The following TNFRSF11B variants were observed in gnomAD, a reference collection of about 807,000 sequenced individuals.
TNFRSF11B encodes the protein tumor necrosis factor receptor superfamily member 11B.
TNFRSF11B carries 16 observed loss-of-function variants against 43.4 expected under a neutral mutation model. That is an observed-to-expected ratio of 0.37 (90% CI 0.25 to 0.56). TNFRSF11B has a LOEUF of 0.56. Among genes scored for constraint, TNFRSF11B ranks in the 20% least tolerant of loss-of-function variants. The pLI is 0.80. For missense variants in TNFRSF11B, 444 were observed against 490.1 expected (o/e 0.91, Z 0.89); for synonymous variants, 185 against 181.8 (o/e 1.02, Z -0.14).
intron 1 of TNFRSF11B, among the ~76,000 whole-genome samples, chr8:118,947,406 G>C (rs1322607497): frequency 6.6e-6 from 1 of 152,142 alleles, no homozygotes; most frequent in African/African-American, 2.4e-5. Context: ...AAATGAACAA[G>C]ATGAAAATCT....
At chr8:118,940,941 T>A (rs1021033307) in intron 1 of TNFRSF11B, among the ~76,000 whole-genome samples, 1 of 152,330 alleles carries the variant, frequency 6.6e-6, no homozygotes, top group East Asian at 1.9e-4. Flanking sequence ...ACATGGCAAG[T>A]ATTCAATATA....
intron 3 of TNFRSF11B, among the ~76,000 whole-genome samples, chr8:118,927,394 T>C (rs1473994238): frequency 6.6e-6 from 1 of 152,172 alleles, no homozygotes; most frequent in African/African-American, 2.4e-5. Context: ...CCTATATTCA[T>C]CTGAAGCAAC....
At chr8:118,946,194 C>A (rs2129922719) in intron 1 of TNFRSF11B, among the ~76,000 whole-genome samples, 1 of 152,194 alleles carries the variant, frequency 6.6e-6, no homozygotes, top group East Asian at 1.9e-4. Flanking sequence ...AAAAACTACT[C>A]AAGCACCTCG....
chr8:118,934,876 G>C (rs1812380616), intron 1 of TNFRSF11B, among the ~76,000 whole-genome samples: 1 of 152,180 alleles, frequency 6.6e-6, no homozygotes, highest in African/African-American at 2.4e-5. Flanking sequence ...GGGTGGCAAA[G>C]ATAAAGAATG....
chr8:118,951,751 C>T (rs1000671713), intron 1 of TNFRSF11B, 41 bp downstream of exon 1: 1 of 1,565,832 alleles, frequency 6.4e-7, no homozygotes. Context: ...GCAGCAGCCT[C>T]CCCAGGCGCC....
chr8:118,924,874 AATG>A, intron 4 of TNFRSF11B, 112 bp from the exon 5 acceptor site: 1 of 1,328,184 alleles, frequency 7.5e-7, no homozygotes, highest in Non-Finnish European at 1.1e-6. Flanking sequence ...ATTATATTTC[AATG>A]ATAACCTTTT....
intron 3 of TNFRSF11B, 77 bp from the exon 4 acceptor site, chr8:118,926,795 CAA>C (rs1343928688): frequency 1.5e-6 from 2 of 1,301,202 alleles, no homozygotes; most frequent in East Asian, 5.0e-5. Flanking sequence ...CAAACAAAAA[CAA>C]AAAACCAACA....
rs986205746 is a variant in TNFRSF11B at position 118,932,866 on chromosome 8, C to G, written c.400+65G>C. Reference sequence around the variant, plus strand: ...ATGTCATCAGAACAAAAGTGTTCTCCTAAACTGTCACAACTATCTGACTTT... The same window carrying G: ...ATGTCATCAGAACAAAAGTGTTCTCGTAAACTGTCACAACTATCTGACTTT... On this transcript the variant is annotated intron_variant, in intron 2 of 4. Coordinates refer to ENST00000297350, the MANE Select transcript of TNFRSF11B (RefSeq NM_002546.4). 13 of 1,607,062 alleles carry G rather than the reference C, an allele frequency of 8.1e-6. No individual in the cohort carries two copies. The South Asian group carries it at 1.2e-4, about 15-fold the overall frequency.
intron 1 of TNFRSF11B, 52 bp downstream of exon 1, chr8:118,951,740 G>A (rs903666689): frequency 1.3e-6 from 2 of 1,539,286 alleles, no homozygotes; most frequent in Admixed American, 3.8e-5. Context: ...GAGACCAGGT[G>A]GCAGCAGCCT....
chr8:118,928,465 T>G (rs1228035134), intron 3 of TNFRSF11B, among the ~76,000 whole-genome samples: 1 of 152,238 alleles, frequency 6.6e-6, no homozygotes, highest in East Asian at 1.9e-4. Context: ...GTGGCAAACT[T>G]GACACTGCCC....
rs762213334 is a variant in TNFRSF11B at position 118,951,794 on chromosome 8, C to G, written c.28G>C (p.Val10Leu). 6.3e-7 allele frequency: 1 copy of G among 1,592,244 alleles called. No homozygotes were observed. The highest frequency in any genetic ancestry group is 8.5e-7 in the Non-Finnish European group (1 of 1,169,598). Residue 10 changes from valine (V) to leucine (L), a missense_variant and splice_region_variant, in exon 1 of 5, where the codon GTG (valine) becomes CTG (leucine). Coordinates refer to ENST00000297350, the MANE Select transcript of TNFRSF11B (RefSeq NM_002546.4). MNNLLCCAL[V>L]FLDISIKWTT... ...CGTCGGCTGGCCCAGGGACTTACCA[C>G]GAGCGCGCAGCACAGCAAGTTGTTC...
intron 1 of TNFRSF11B, among the ~76,000 whole-genome samples, chr8:118,943,719 A>G (rs968261305): frequency 1.3e-5 from 2 of 152,110 alleles, no homozygotes; most frequent in African/African-American, 2.4e-5. Context: ...GCGTCTTTCT[A>G]TTTTATGGCT....
In TNFRSF11B at chr8:118,951,854, C is replaced by T. The variant is rs1812653208; in HGVS notation, c.-33G>A. 1.9e-6 allele frequency: 3 copies of T among 1,572,752 alleles called. No homozygotes were observed. Among genetic ancestry groups the T allele is most frequent in the African/African-American group, 2.7e-5 (2 of 73,774 alleles). ...CCCGGAAACCTCAGGGGCTTGGAGG[C>T]GGCGGCTGGGCGAGCGCTCCGGTGC... On this transcript the variant is annotated 5_prime_UTR_variant, in exon 1 of 5. Transcript: ENST00000297350.
chr8:118,925,091 T>C (rs1224130346), intron 4 of TNFRSF11B, among the ~76,000 whole-genome samples: 2 of 152,258 alleles, frequency 1.3e-5, no homozygotes, highest in East Asian at 3.9e-4. Flanking sequence ...AACCATAACA[T>C]TTCAGAAAAA....
At chr8:118,951,732 G>C in intron 1 of TNFRSF11B, 60 bp downstream of exon 1, 2 of 1,513,220 alleles carry the variant, frequency 1.3e-6, no homozygotes, top group Non-Finnish European at 1.8e-6. Context: ...GAGGTTGGGA[G>C]ACCAGGTGGC....
chr8:118,932,834 T>C, intron 2 of TNFRSF11B, 97 bp downstream of exon 2: 1 of 1,528,962 alleles, frequency 6.5e-7, no homozygotes, highest in East Asian at 2.3e-5. Flanking sequence ...CAATTTGCTA[T>C]CCTATAATGT....
chr8:118,925,601 T>G (rs192831884), intron 4 of TNFRSF11B, among the ~76,000 whole-genome samples: 200 of 152,350 alleles, frequency 1.3e-3, no homozygotes, highest in East Asian at 8.9e-3. Context: ...CTAAAATCTG[T>G]TGCCCCGGTT....
At chr8:118,925,452 T>C (rs371078241) in intron 4 of TNFRSF11B, among the ~76,000 whole-genome samples, 7 of 152,006 alleles carry the variant, frequency 4.6e-5, no homozygotes, top group African/African-American at 1.7e-4. Flanking sequence ...TGCTTCCAAT[T>C]CTAACGGTCT....
At chr8:118,933,392 ATTACC>A (rs1563690582) in intron 1 of TNFRSF11B, 92 bp from the exon 2 acceptor site, 13 of 1,573,046 alleles carry the variant, frequency 8.3e-6, no homozygotes, top group Non-Finnish European at 1.0e-5. Flanking sequence ...AAAGTCCTGT[ATTACC>A]TTAAGCCTAA....
Sources: gnomAD v4.1 joint callset for allele counts (sites outside exome capture counted in the v4.1 genomes callset) on GRCh38, gnomAD v4.1.1 for gene constraint, MANE v1.5 for transcripts, NCBI Gene and HGNC (gene_info 2026-07-23, HGNC 2026-07-21) for gene names.